RHBDF2: variants seen among roughly 807,000 people sequenced by gnomAD.
The protein encoded by RHBDF2 is rhomboid 5 homolog 2, also known as inactive rhomboid protein 2.
A neutral mutation model predicts 95.2 loss-of-function variants in RHBDF2; 38 were observed. The observed-to-expected ratio is 0.40, with a 90% CI of 0.31 to 0.52. The LOEUF (loss-of-function observed/expected upper bound fraction) is 0.52. Ranked by LOEUF, RHBDF2 falls within the 20% of genes least tolerant of loss-of-function variation. The pLI, the probability that RHBDF2 is intolerant of heterozygous loss-of-function variation, is 0.56. For synonymous variants in RHBDF2, 442 were observed against 462.0 expected (o/e 0.96, Z 0.55); for missense variants, 863 against 1,137.7 (o/e 0.76, Z 3.47).
chr17:76,472,404 C>T lies in RHBDF2; in HGVS notation c.2064+282G>A, dbSNP rs17512301. 7.6e-3 allele frequency: 4,489 copies of T among 591,686 alleles called. 26 individuals are homozygous for T. Among genetic ancestry groups the T allele is most frequent in the Non-Finnish European group, 0.01 (3,299 of 329,144 alleles). 36.7% of individuals were successfully genotyped at this position (591,686 alleles called of 1,614,324 possible). A position where few individuals can be genotyped will look rare whatever the true frequency, so the allele number is the denominator to read the frequency against. The stretch of plus-strand genomic sequence containing the variant: ...TGCCGACGGCGCACGGAGGCCATTT[C>T]CTACCGCTCGACCTGCAGATACCTA... On this transcript the variant is annotated intron_variant, in intron 18 of 18. Transcript: ENST00000675367.
At chr17:76,488,275 G>GGGCA (rs2074196631) in intron 1 of RHBDF2, 2 of 152,274 alleles carry the variant, frequency 1.3e-5, no homozygotes, top group Admixed American at 1.3e-4. Context: ...TGAGGCAGGT[G>GGGCA]GATCACCTGA....
intron 4 of RHBDF2, 34 bp downstream of exon 4, chr17:76,479,699 G>T (rs374382074): frequency 1.3e-6 from 2 of 1,512,342 alleles, no homozygotes; most frequent in Non-Finnish European, 1.8e-6. Context: ...GTTGCTGGGT[G>T]GGGGGTGCTG....
intron 1 of RHBDF2, among the ~76,000 whole-genome samples, chr17:76,498,810 G>C (rs2074498809): frequency 6.6e-6 from 1 of 151,042 alleles, no homozygotes; most frequent in Admixed American, 6.6e-5. Flanking sequence ...GTGTGTGTGT[G>C]TGTGTGTGTG....
Position 76,496,925 on chromosome 17 carries a change from C to T in RHBDF2, c.-220+4428G>A, listed in dbSNP as rs1598175139. Among the ~76,000 whole-genome samples, 3 of 152,122 alleles carry T rather than the reference C, an allele frequency of 2.0e-5. No homozygotes were observed. In the South Asian group the frequency reaches 6.2e-4, roughly 31 times the overall value. Reference sequence around the variant, plus strand: ...TACAGGTGCATGCCACCACACCTGGCTAATTTTTTTGTATTTTTAGTAGAG... The same window carrying T: ...TACAGGTGCATGCCACCACACCTGGTTAATTTTTTTGTATTTTTAGTAGAG... On this transcript the variant is annotated intron_variant, in intron 1 of 18. Transcript: ENST00000675367.
In RHBDF2 at chr17:76,471,102, A is replaced by T. The variant is rs1033527721; in HGVS notation, c.*531T>A. On this transcript the variant is annotated 3_prime_UTR_variant, in exon 19 of 19. Coordinates refer to ENST00000675367, the MANE Select transcript of RHBDF2 (RefSeq NM_001005498.4). Reference sequence around the variant, plus strand: ...CTCCCCCCTTGTTCTCTGCCCCCAGACCATGGCCAAAGCCTTTCCCACAAT... The same window carrying T: ...CTCCCCCCTTGTTCTCTGCCCCCAGTCCATGGCCAAAGCCTTTCCCACAAT... The T allele has an allele frequency of 1.3e-5, 2 of 158,352 alleles. No individual in the cohort carries two copies. Among genetic ancestry groups the T allele is most frequent in the Non-Finnish European group, 2.8e-5 (2 of 71,460 alleles). The allele number at this position is 158,352 out of a possible 1,614,324, so 9.8% of individuals were successfully genotyped here.
At chr17:76,477,476 G>A (rs1280552331) in intron 7 of RHBDF2, among the ~76,000 whole-genome samples, 178 bp from the exon 8 acceptor site, 1 of 149,876 alleles carries the variant, frequency 6.7e-6, no homozygotes, top group East Asian at 2.0e-4. Flanking sequence ...CCCCACCGCA[G>A]GTCTTCACCC....
At chr17:76,489,456 T>C (rs1418065035) in intron 1 of RHBDF2, among the ~76,000 whole-genome samples, 2 of 151,732 alleles carry the variant, frequency 1.3e-5, no homozygotes, top group Non-Finnish European at 2.9e-5. Flanking sequence ...CCGGAGGAGC[T>C]GGGACTACAG....
Position 76,471,721 on chromosome 17 carries a change from A to G in RHBDF2, c.2396T>C (p.Ile799Thr), listed in dbSNP as rs1279691683. The change falls in exon 19 of 19, where the codon ATT becomes ACT. Residue 799 changes from isoleucine (I) to threonine (T), a missense_variant. By Grantham distance (89) the Ile-to-Thr change is moderately conservative. Transcript: ENST00000675367. ...GAGGTGCTCGATCCAGGGCCAGTTA[A>G]TGGGGTAGATGTACAGCCACAGCAC... ...ALVLWLYIYP[I>T]NWPWIEHLTC... The G allele has an allele frequency of 6.2e-7, 1 of 1,611,238 alleles. No homozygotes were observed. Among genetic ancestry groups the G allele is most frequent in the African/African-American group, 1.3e-5 (1 of 74,998 alleles).
chr17:76,496,557 C>A (rs2074430607), intron 1 of RHBDF2, among the ~76,000 whole-genome samples: 1 of 152,222 alleles, frequency 6.6e-6, no homozygotes, highest in Non-Finnish European at 1.5e-5. Context: ...GAAGGGACAG[C>A]ACCTAACTGC....
chr17:76,477,993 G>A (rs1386270254), intron 6 of RHBDF2, among the ~76,000 whole-genome samples: 3 of 152,242 alleles, frequency 2.0e-5, no homozygotes, highest in Admixed American at 6.5e-5. Flanking sequence ...ACCAGCTTCC[G>A]TTGGCACACC....
rs74495667 is a variant in RHBDF2 at position 76,495,113 on chromosome 17, G to A, written c.-220+6240C>T. ...GTGGGAACTGCCCTTTGCTGCAAACGTTCATGAAAGTCTGCCTCTCTGCAT... is the reference window on the plus strand; with the variant it reads ...GTGGGAACTGCCCTTTGCTGCAAACATTCATGAAAGTCTGCCTCTCTGCAT... On this transcript the variant is annotated intron_variant, in intron 1 of 18. Coordinates refer to ENST00000675367, the MANE Select transcript of RHBDF2 (RefSeq NM_001005498.4). Among the ~76,000 whole-genome samples the A allele has an allele frequency of 6.9e-3, 1,050 of 152,336 alleles. 7 individuals carry two copies. Among genetic ancestry groups the A allele is most frequent in the African/African-American group, 0.023 (972 of 41,572 alleles).
At chr17:76,494,472 C>T (rs1445878990) in intron 1 of RHBDF2, among the ~76,000 whole-genome samples, 1 of 152,224 alleles carries the variant, frequency 6.6e-6, no homozygotes, top group Admixed American at 6.5e-5. Context: ...CTGGTGGAGG[C>T]TGGGCACAGT....
intron 1 of RHBDF2, among the ~76,000 whole-genome samples, chr17:76,488,660 T>C (rs1209455131): frequency 2.6e-5 from 4 of 151,154 alleles, no homozygotes; most frequent in Admixed American, 1.3e-4. Context: ...ATACAAAAAT[T>C]AGCCGGGGCT....
At chr17:76,501,083 C>T (rs1270893985) in intron 1 of RHBDF2, 1 of 152,336 alleles carries the variant, frequency 6.6e-6, no homozygotes, top group East Asian at 1.9e-4. Context: ...CCCCGTCGCC[C>T]AGGGACCCCT....
chr17:76,495,057 C>T (rs1285203747), intron 1 of RHBDF2, among the ~76,000 whole-genome samples: 2 of 152,064 alleles, frequency 1.3e-5, no homozygotes, highest in East Asian at 1.9e-4. Context: ...GTGGGGTGTG[C>T]ACCACACAGT....
intron 6 of RHBDF2, among the ~76,000 whole-genome samples, 185 bp from the exon 7 acceptor site, chr17:76,477,970 C>G (rs1016505990): frequency 1.3e-5 from 2 of 152,216 alleles, no homozygotes; most frequent in Non-Finnish European, 2.9e-5. Flanking sequence ...ACTGGAAGGC[C>G]AGGAAATGAG....
Position 76,479,521 on chromosome 17 carries a change from C to G in RHBDF2, c.272+212G>C, listed in dbSNP as rs527679160. 2.8e-4 allele frequency: 212 copies of G among 752,664 alleles called. 2 individuals carry two copies. In the South Asian group the frequency reaches 3.0e-3, roughly 11 times the overall value. 46.6% of individuals were successfully genotyped at this position (752,664 alleles called of 1,614,324 possible). A position where few individuals can be genotyped will look rare whatever the true frequency, so the allele number is the denominator to read the frequency against. On this transcript the variant is annotated intron_variant, in intron 4 of 18. Coordinates refer to ENST00000675367, the MANE Select transcript of RHBDF2 (RefSeq NM_001005498.4). ...CACTGATCCACCCAGCTCCTCGAAG[C>G]CCCCCAGCCTCCACACCGTGATATT... is the stretch of plus-strand genomic sequence containing the variant.
Position 76,474,710 on chromosome 17 carries a change from C to T in RHBDF2, c.1302+20G>A, listed in dbSNP as rs769603302. ...CAGGGACTCCTGGCTCAGATGATGT[C>T]CCCCAGCCTGGGCCCTCACCGAGCT... On this transcript the variant is annotated intron_variant, in intron 11 of 18. Coordinates refer to ENST00000675367, the MANE Select transcript of RHBDF2 (RefSeq NM_001005498.4). The T allele has an allele frequency of 1.2e-6, 2 of 1,614,060 alleles. No homozygotes were observed. Among genetic ancestry groups the T allele is most frequent in the Non-Finnish European group, 1.7e-6 (2 of 1,180,018 alleles).
rs762067372 is a variant in RHBDF2, at chr17:76,477,785, C to T, written c.673G>A (p.Gly225Arg). The T allele has an allele frequency of 3.7e-6, 6 of 1,609,964 alleles. No homozygotes were observed. The South Asian group carries it at 6.6e-5, about 18-fold the overall frequency. ...SLQAAAALLK[G>R]RSVLDATGQR... ...CCGGTGGCATCCAGCACCGAGCGCCCCTGTGCACGGGCAGAGGCACAGCCA... is the reference window on the plus strand; with the variant it reads ...CCGGTGGCATCCAGCACCGAGCGCCTCTGTGCACGGGCAGAGGCACAGCCA... The change falls in exon 7 of 19, where the codon GGG becomes AGG. Residue 225 changes from glycine to arginine, a missense_variant and splice_region_variant. Physicochemically the swap from Gly to Arg is moderately radical, Grantham distance 125. Around this residue, in one of 2 missense-constraint regions of RHBDF2, gnomAD observed 611 missense variants for 725.5 expected, o/e 0.84. Coordinates refer to ENST00000675367, the MANE Select transcript of RHBDF2 (RefSeq NM_001005498.4).
Sources: gnomAD v4.1 joint callset for allele counts (sites outside exome capture counted in the v4.1 genomes callset) on GRCh38, gnomAD v4.1.1 for gene constraint, gnomAD v4.1.1 regional missense constraint, MANE v1.5 for transcripts, NCBI Gene and HGNC (gene_info 2026-07-23, HGNC 2026-07-21) for gene names.